NPHP1: variants seen among roughly 807,000 people sequenced by gnomAD.
The protein encoded by NPHP1 is nephrocystin-1.
Under a neutral mutation model 90.4 loss-of-function variants are expected in NPHP1, and 70 were observed. The observed-to-expected ratio is 0.77, with a 90% CI of 0.64 to 0.95. NPHP1 has a LOEUF of 0.95. NPHP1 is among the 40% of genes least tolerant of loss of function. The probability of loss-of-function intolerance (pLI) is 0.00; values close to 1 mark genes in which losing one functional copy is unlikely to be tolerated. For synonymous variants in NPHP1, 256 were observed against 271.7 expected (o/e 0.94, Z 0.57); for missense variants, 764 against 795.9 (o/e 0.96, Z 0.48).
intron 18 of NPHP1, chr2:110,128,899 G>C (rs752429534): frequency 2.3e-6 from 1 of 436,376 alleles, no homozygotes; most frequent in Non-Finnish European, 4.2e-6. Flanking sequence ...TTGGATTTTT[G>C]CTCTTAGGAC....
At chr2:110,195,493 T>G (rs948630605) in intron 2 of NPHP1, among the ~76,000 whole-genome samples, 16 of 151,966 alleles carry the variant, frequency 1.1e-4, no homozygotes, top group Non-Finnish European at 5.9e-5. Flanking sequence ...CACTGCTCAA[T>G]GAAATAAAAG....
Position 110,143,608 on chromosome 2 carries a change from A to C in NPHP1, c.1463T>G (p.Met488Arg), listed in dbSNP as rs775502287. The C allele has an allele frequency of 6.2e-7, 1 of 1,613,600 alleles. No homozygotes were observed. Among genetic ancestry groups the C allele is most frequent in the Non-Finnish European group, 8.5e-7 (1 of 1,179,548 alleles). The change falls in exon 16 of 20, where the codon ATG becomes AGG. Residue 488 changes from methionine to arginine, a missense_variant. Transcript: ENST00000445609. ...CACTAGAAGTTGAGGCTGCCTTCTC[A>C]TTGTCATAATCTGGTAGAAAACACT... ...HGSVFYQIMT[M>R]RRQPQLLVKL... is the part of the protein sequence containing the mutation.
chr2:110,191,058 ACAACTC>A (rs2104668084), intron 2 of NPHP1, among the ~76,000 whole-genome samples: 1 of 152,268 alleles, frequency 6.6e-6, no homozygotes, highest in South Asian at 2.1e-4. Context: ...CCAAATACGA[ACAACTC>A]CAGTCTACAG....
At chr2:110,184,903 C>A (rs1244644073) in intron 2 of NPHP1, 17 of 691,706 alleles carry the variant, frequency 2.5e-5, no homozygotes, top group Non-Finnish European at 4.1e-5. Flanking sequence ...AAGGCATCCA[C>A]AAGGTCCTGG....
Position 110,146,786 on chromosome 2 carries a change from A to C in NPHP1, c.1319T>G (p.Leu440Arg). ...ELSCGWVFLKLFDASGVPIPA... is the reference protein window; with the variant it reads ...ELSCGWVFLKRFDASGVPIPA... ...AATAGGAACTCCACTGGCATCAAAA[A>C]GTTTAAGAAACACCCAGCCACAGCT... The change falls in exon 14 of 20, where the codon CTT becomes CGT. Residue 440 changes from leucine (L) to arginine (R), a missense_variant. By Grantham distance (102) the Leu-to-Arg change is moderately radical (BLOSUM62 -2). Transcript: ENST00000445609. 6.2e-7 allele frequency: 1 copy of C among 1,613,618 alleles called. No individual in the cohort carries two copies. The highest frequency in any genetic ancestry group is 8.5e-7 in the Non-Finnish European group (1 of 1,179,550).
At chr2:110,179,569 A>C in intron 3 of NPHP1, 55 bp downstream of exon 3, 5 of 879,826 alleles carry the variant, frequency 5.7e-6, no homozygotes, top group Non-Finnish European at 9.4e-6. Context: ...CCACTTAATA[A>C]AAATACTTGT....
chr2:110,132,855 T>C (rs2104441674), intron 16 of NPHP1, among the ~76,000 whole-genome samples: 1 of 152,278 alleles, frequency 6.6e-6, no homozygotes, highest in East Asian at 1.9e-4. Context: ...GTTATAACTT[T>C]AGGATGTTAT....
chr2:110,171,172 G>C (rs1172769183), intron 4 of NPHP1, among the ~76,000 whole-genome samples: 1 of 152,130 alleles, frequency 6.6e-6, no homozygotes, highest in East Asian at 1.9e-4. Context: ...GTGAGGAAGA[G>C]AGAAATGCCA....
At chr2:110,126,643 C>G (rs778699213) in intron 18 of NPHP1, 2 of 152,582 alleles carry the variant, frequency 1.3e-5, no homozygotes. Context: ...GGCCAAGTGC[C>G]ATTCTTCTTA....
chr2:110,189,185 A>G (rs1684503524), intron 2 of NPHP1, among the ~76,000 whole-genome samples: 1 of 152,192 alleles, frequency 6.6e-6, no homozygotes, highest in Non-Finnish European at 1.5e-5. Context: ...TTGCACAGCA[A>G]AAGAAACTAT....
chr2:110,182,516 C>T (rs1683977389), intron 2 of NPHP1, among the ~76,000 whole-genome samples: 1 of 152,068 alleles, frequency 6.6e-6, no homozygotes, highest in African/African-American at 2.4e-5. Flanking sequence ...AAATTTCCAA[C>T]CCAGAATTTC....
intron 4 of NPHP1, among the ~76,000 whole-genome samples, chr2:110,170,804 C>A (rs1165150841): frequency 1.3e-5 from 2 of 151,924 alleles, no homozygotes; most frequent in Non-Finnish European, 2.9e-5. Flanking sequence ...TGGAATTAAT[C>A]AGGTAAAATG....
rs1681187208 is a variant in NPHP1 at position 110,147,971 on chromosome 2, GAAT to G, written c.1211_1213del (p.Asn404_Ser405delinsThr). On this transcript the variant is annotated inframe_deletion, in exon 13 of 20. Coordinates refer to ENST00000445609, the MANE Select transcript of NPHP1 (RefSeq NM_001128178.3). ...TAATATTCCAAGATCTGGAGATGCAGAATTAGACCTGATAAAGCAATCACCATC... is the reference window on the plus strand; with the variant it reads ...TAATATTCCAAGATCTGGAGATGCAGTAGACCTGATAAAGCAATCACCATC... 6.2e-7 allele frequency: 1 copy of G among 1,611,466 alleles called. No homozygotes were observed. Among genetic ancestry groups the G allele is most frequent in the Non-Finnish European group, 8.5e-7 (1 of 1,177,578 alleles).
At chr2:110,204,639 CGGA>C (rs1685808049) in intron 1 of NPHP1, among the ~76,000 whole-genome samples, 2 of 151,378 alleles carry the variant, frequency 1.3e-5, no homozygotes, top group Non-Finnish European at 2.9e-5. Context: ...GAGTGAGGGT[CGGA>C]GGAGGGGGCG....
intron 1 of NPHP1, 110 bp from the exon 2 acceptor site, chr2:110,201,604 A>G: frequency 1.3e-6 from 1 of 785,122 alleles, no homozygotes; most frequent in Non-Finnish European, 2.1e-6. Flanking sequence ...ACATACAACA[A>G]AGTTTTAAAA....
intron 2 of NPHP1, chr2:110,185,149 G>T: frequency 1.7e-6 from 1 of 572,626 alleles, no homozygotes; most frequent in Non-Finnish European, 3.5e-6. Flanking sequence ...TGAGGAAGAC[G>T]GTGCCTGATC....
intron 15 of NPHP1, 71 bp downstream of exon 15, chr2:110,144,422 T>G: frequency 2.1e-6 from 2 of 951,012 alleles, no homozygotes; most frequent in South Asian, 2.7e-5. Flanking sequence ...CTTATTAGAA[T>G]GTAGCTACCT....
intron 11 of NPHP1, among the ~76,000 whole-genome samples, chr2:110,151,959 A>C (rs1681502475): frequency 6.6e-6 from 1 of 152,126 alleles, no homozygotes; most frequent in Non-Finnish European, 1.5e-5. Context: ...TGATAATTTT[A>C]TATCTTTCTT....
chr2:110,191,511 A>C (rs1336595060), intron 2 of NPHP1, among the ~76,000 whole-genome samples: 1 of 152,182 alleles, frequency 6.6e-6, no homozygotes, highest in Non-Finnish European at 1.5e-5. Context: ...GCAGCCTGGA[A>C]GCTCAAACTG....
Sources: allele counts gnomAD v4.1 joint callset (sites outside exome capture counted in the v4.1 genomes callset), GRCh38; gene constraint gnomAD v4.1.1; transcripts MANE v1.5; gene names NCBI Gene and HGNC (gene_info 2026-07-23, HGNC 2026-07-21).